The following DAPK1 variants were observed in gnomAD, a reference collection of about 807,000 sequenced individuals.
The protein encoded by DAPK1 is death-associated protein kinase 1.
In DAPK1, 56 loss-of-function variants were observed where a neutral mutation model predicts 144.9. The ratio of observed to expected loss-of-function variants is 0.39; its 90% CI spans 0.31 to 0.48. The LOEUF is 0.48. Ranked by LOEUF, DAPK1 falls within the 20% of genes least tolerant of loss-of-function variation. The pLI is 0.95. For synonymous variants in DAPK1, 690 were observed against 749.0 expected (o/e 0.92, Z 1.29); for missense variants, 1,454 against 1,875.4 (o/e 0.78, Z 4.15).
chr9:87,605,052 G>A lies in DAPK1; in HGVS notation c.161G>A (p.Arg54Gln), dbSNP rs767507074. Residue 54 changes from arginine (R) to glutamine (Q), a missense_variant, in exon 3 of 26, where the codon CGG becomes CAG. By Grantham distance (43) the Arg-to-Gln change is conservative (BLOSUM62 1). Coordinates refer to ENST00000408954, the MANE Select transcript of DAPK1 (RefSeq NM_004938.4). ...AAAAGGAGGACTAAGTCCAGCCGGC[G>A]GGGTGTGAGCCGCGAGGACATCGAG... is the stretch of plus-strand genomic sequence containing the variant. ...IKKRRTKSSR[R>Q]GVSREDIERE... The A allele has an allele frequency of 8.1e-6, 13 of 1,614,108 alleles. No homozygotes were observed. Among genetic ancestry groups the A allele is most frequent in the South Asian group, 5.5e-5 (5 of 91,084 alleles).
At position 87,681,414 on chromosome 9, in the gene DAPK1, G is replaced by A. The variant is rs377550728; in HGVS notation, c.2012G>A (p.Arg671Gln). The A allele has an allele frequency of 9.4e-6, 15 of 1,600,080 alleles. No individual in the cohort carries two copies. Among genetic ancestry groups the A allele is most frequent in the Middle Eastern group, 1.7e-4 (1 of 6,050 alleles). Reference protein sequence around the residue: ...LLARLRKDTHRGLFIQQLRPT... With the variant: ...LLARLRKDTHQGLFIQQLRPT... ...CTCATCCATGCTCAGGATACGCACC[G>A]AGGACTCTTCATCCAGCAGCTCCGA... The change falls in exon 20 of 26, where the codon CGA (arginine) becomes CAA (glutamine). Residue 671 changes from arginine (R) to glutamine (Q), a missense_variant. Coordinates refer to ENST00000408954, the MANE Select transcript of DAPK1 (RefSeq NM_004938.4).
chr9:87,522,022 C>T (rs872374), intron 2 of DAPK1, among the ~76,000 whole-genome samples: 85,709 of 152,066 alleles, frequency 0.56, 24,661 homozygotes, highest in Middle Eastern at 0.67. Flanking sequence ...CCCTCTGCCA[C>T]GTTTTGATGC....
intron 2 of DAPK1, among the ~76,000 whole-genome samples, chr9:87,526,667 G>A (rs1825521779): frequency 6.6e-6 from 1 of 151,978 alleles, no homozygotes; most frequent in Admixed American, 6.6e-5. Flanking sequence ...TTTTTTTTGA[G>A]GGCAAAGGTT....
chr9:87,588,061 G>T (rs1398416805), intron 2 of DAPK1, among the ~76,000 whole-genome samples: 1 of 152,220 alleles, frequency 6.6e-6, no homozygotes, highest in Non-Finnish European at 1.5e-5. Flanking sequence ...GTCACAGAGA[G>T]GTTGAGGAAC....
chr9:87,581,257 A>G (rs1827744562), intron 2 of DAPK1, among the ~76,000 whole-genome samples: 1 of 152,140 alleles, frequency 6.6e-6, no homozygotes, highest in African/African-American at 2.4e-5. Context: ...CTTTGTTTTC[A>G]TTTTCCCTTC....
intron 2 of DAPK1, among the ~76,000 whole-genome samples, chr9:87,528,111 C>T (rs1192043556): frequency 6.6e-6 from 1 of 152,238 alleles, no homozygotes; most frequent in East Asian, 1.9e-4. Flanking sequence ...ATACTTTAAA[C>T]ACTTGCCGAT....
chr9:87,611,793 C>T (rs1025071396), intron 3 of DAPK1, among the ~76,000 whole-genome samples: 11 of 152,098 alleles, frequency 7.2e-5, no homozygotes, highest in Non-Finnish European at 1.6e-4. Flanking sequence ...CCTTGAAAGC[C>T]AGAATTTCCA....
In DAPK1 at chr9:87,638,004, G is replaced by A. The variant is rs1829964001; in HGVS notation, c.346G>A (p.Ala116Thr). Residue 116 changes from alanine to threonine, a missense_variant, in exon 4 of 26, where the codon GCA (alanine) becomes ACA (threonine). By Grantham distance (58) the Ala-to-Thr change is moderately conservative. Coordinates refer to ENST00000408954, the MANE Select transcript of DAPK1 (RefSeq NM_004938.4). ...AAAGGAATCTTTAACTGAAGAGGAA[G>A]CAACTGAATTTCTCAAACAAATTCT... is the stretch of plus-strand genomic sequence containing the variant. Reference protein sequence around the residue: ...AEKESLTEEEATEFLKQILNG... With the variant: ...AEKESLTEEETTEFLKQILNG... 6.8e-6 allele frequency: 11 copies of A among 1,614,120 alleles called. No homozygotes were observed. Among genetic ancestry groups the A allele is most frequent in the Non-Finnish European group, 8.5e-6 (10 of 1,179,972 alleles).
chr9:87,604,558 T>TA lies in DAPK1; in HGVS notation c.63-395dup, dbSNP rs1456877809. ...GCAGGACTTCATATATATTTTTTTT[T>TA]ACCGATTCCCTGGTCTCAATCCCTC... On this transcript the variant is annotated intron_variant, in intron 2 of 25. Coordinates refer to ENST00000408954, the MANE Select transcript of DAPK1 (RefSeq NM_004938.4). 5.9e-5 allele frequency among the ~76,000 whole-genome samples: 9 copies of TA among 152,160 alleles called. No individual in the cohort carries two copies. In the East Asian group the frequency reaches 1.7e-3, roughly 29 times the overall value.
At chr9:87,619,270 T>G (rs1328201342) in intron 3 of DAPK1, among the ~76,000 whole-genome samples, 2 of 152,246 alleles carry the variant, frequency 1.3e-5, no homozygotes, top group African/African-American at 4.8e-5. Context: ...TACTGTATTT[T>G]AAACATTTAT....
At chr9:87,701,618 G>A (rs1215526552) in intron 24 of DAPK1, among the ~76,000 whole-genome samples, 1 of 152,104 alleles carries the variant, frequency 6.6e-6, no homozygotes, top group African/African-American at 2.4e-5. Context: ...CAGTGGAGAA[G>A]TGGTGGCATT....
chr9:87,664,729 G>A (rs938959983), intron 18 of DAPK1, among the ~76,000 whole-genome samples: 13 of 152,196 alleles, frequency 8.5e-5, no homozygotes, highest in African/African-American at 2.2e-4. Flanking sequence ...TGGTCCCCAC[G>A]CAGCCGCCTG....
intron 21 of DAPK1, among the ~76,000 whole-genome samples, chr9:87,694,434 C>A (rs1326918987): frequency 6.6e-6 from 1 of 152,078 alleles, no homozygotes; most frequent in Non-Finnish European, 1.5e-5. Flanking sequence ...TCGTCAGGTC[C>A]CCTGGTGGTG....
intron 2 of DAPK1, among the ~76,000 whole-genome samples, chr9:87,547,811 CCCACCCCT>C (rs1826315582): frequency 2.0e-5 from 3 of 152,128 alleles, no homozygotes; most frequent in Non-Finnish European, 4.4e-5. Context: ...GATGATCCCA[CCCACCCCT>C]ATTAGGGAGA....
rs375541181 is a variant in DAPK1, at chr9:87,696,923, G to C, written c.2414-84G>C. The C allele has an allele frequency of 3.8e-6, 3 of 794,040 alleles. No homozygotes were observed. In the African/African-American group the frequency reaches 5.1e-5, roughly 13 times the overall value. The allele number at this position is 794,040 out of a possible 1,614,324, so 49.2% of individuals were successfully genotyped here. A position where few individuals can be genotyped will look rare whatever the true frequency, so the allele number is the denominator to read the frequency against. On this transcript the variant is annotated intron_variant, in intron 21 of 25. Coordinates refer to ENST00000408954, the MANE Select transcript of DAPK1 (RefSeq NM_004938.4). ...CCATAAGTATCACTATGCCTACTTCGAATCCGTGGAACGCTAAGAGAATTT... is the reference window on the plus strand; with the variant it reads ...CCATAAGTATCACTATGCCTACTTCCAATCCGTGGAACGCTAAGAGAATTT...
At chr9:87,650,153 A>G in intron 16 of DAPK1, 35 bp downstream of exon 16, 3 of 1,609,502 alleles carry the variant, frequency 1.9e-6, no homozygotes, top group Non-Finnish European at 2.5e-6. Flanking sequence ...TGCACTGGGA[A>G]GTGATCTAGG....
rs546333275 is a variant in DAPK1, at chr9:87,686,945, G to A, written c.2413+206G>A. On this transcript the variant is annotated intron_variant, in intron 21 of 25. Transcript: ENST00000408954. This position sits in a 1 kb window ranked among gnomAD's most constrained non-coding sequence, Gnocchi z 4.2. ...AATTAAACACTGGGGTATTGTCAGCGCCTAGTAAAGCACTTGGCATACAGT... is the reference window on the plus strand; with the variant it reads ...AATTAAACACTGGGGTATTGTCAGCACCTAGTAAAGCACTTGGCATACAGT... 21 of 675,182 alleles carry A rather than the reference G, an allele frequency of 3.1e-5. No homozygotes were observed. The highest frequency in any genetic ancestry group is 1.8e-4 in the African/African-American group (9 of 51,338). The allele number at this position is 675,182 out of a possible 1,614,324, so 41.8% of individuals were successfully genotyped here. A position where few individuals can be genotyped will look rare whatever the true frequency, so the allele number is the denominator to read the frequency against.
At chr9:87,650,447 G>A (rs144521000) in intron 16 of DAPK1, 33 of 258,270 alleles carry the variant, frequency 1.3e-4, no homozygotes, top group Non-Finnish European at 2.1e-4. Context: ...TTGGCAACAC[G>A]CTATTAATTT....
intron 19 of DAPK1, among the ~76,000 whole-genome samples, chr9:87,673,343 A>G (rs571587077): frequency 8.5e-5 from 13 of 152,336 alleles, no homozygotes; most frequent in African/African-American, 2.9e-4. Flanking sequence ...AAATGGGCCA[A>G]TTGAGCAAAA....
Sources: allele counts gnomAD v4.1 joint callset (sites outside exome capture counted in the v4.1 genomes callset), GRCh38; gene constraint gnomAD v4.1.1; non-coding constraint Gnocchi (gnomAD v3.1); transcripts MANE v1.5; gene names NCBI Gene and HGNC (gene_info 2026-07-23, HGNC 2026-07-21).